Variants in ANK1 observed in about 807,000 individuals in gnomAD.
ANK1 encodes ankyrin-1.
Under a neutral mutation model 210.4 loss-of-function variants are expected in ANK1, and 51 were observed. The ratio of observed to expected loss-of-function variants is 0.24; its 90% CI spans 0.19 to 0.31. The LOEUF is 0.31. Ranked by LOEUF, ANK1 falls within the 10% of genes least tolerant of loss-of-function variation. The pLI is 1.00. For synonymous variants in ANK1, 967 were observed against 1,025.9 expected (o/e 0.94, Z 1.10); for missense variants, 2,051 against 2,504.4 (o/e 0.82, Z 3.86).
intron 23 of ANK1, among the ~76,000 whole-genome samples, chr8:41,698,801 A>AT (rs200577199): frequency 0.29 from 42,530 of 148,250 alleles, 6,183 homozygotes; most frequent in South Asian, 0.32. Context: ...TTCCTCAACA[A>AT]TTTTTTTTTT....
chr8:41,727,241 G>A lies in ANK1; in HGVS notation c.426+9C>T, dbSNP rs1325107051. 3 of 1,610,920 alleles carry A rather than the reference G, an allele frequency of 1.9e-6. No individual in the cohort carries two copies. In the Admixed American group the frequency reaches 5.0e-5, roughly 27 times the overall value. ...TCTGGTGGTGACGACATTTTTCCAA[G>A]GTACTTACTTCTGTGGCTACATTCT... is the stretch of plus-strand genomic sequence containing the variant. On this transcript the variant is annotated intron_variant, in intron 5 of 42. Transcript: ENST00000289734.
intron 1 of ANK1, among the ~76,000 whole-genome samples, chr8:41,769,970 C>CTTT (rs869176684): frequency 1.1e-5 from 1 of 94,766 alleles, no homozygotes; most frequent in African/African-American, 4.2e-5. Flanking sequence ...TTTTTTTTTT[C>CTTT]TTTTTTCTTT....
chr8:41,804,013 A>G (rs1850563429), intron 1 of ANK1, among the ~76,000 whole-genome samples: 1 of 152,254 alleles, frequency 6.6e-6, no homozygotes, highest in Non-Finnish European at 1.5e-5. Flanking sequence ...AGTAGCCCCC[A>G]ATTGTGCTGA....
intron 6 of ANK1, among the ~76,000 whole-genome samples, chr8:41,725,559 G>A (rs1173559840): frequency 2.0e-5 from 3 of 152,238 alleles, no homozygotes; most frequent in Non-Finnish European, 4.4e-5. Context: ...TGCTCACCAA[G>A]AGCACGTTTC....
chr8:41,657,089 G>A (rs187645324), intron 42 of ANK1, among the ~76,000 whole-genome samples: 2 of 152,154 alleles, frequency 1.3e-5, no homozygotes, highest in Admixed American at 6.5e-5. Flanking sequence ...TCTGCCTGCC[G>A]CCCTCAACAC....
intron 1 of ANK1, among the ~76,000 whole-genome samples, chr8:41,866,699 C>T (rs183176527): frequency 3.3e-5 from 5 of 152,368 alleles, no homozygotes; most frequent in Non-Finnish European, 4.4e-5. Flanking sequence ...CTCTAGGAAT[C>T]GTACAGAGTT....
chr8:41,750,415 G>C (rs1837420407), intron 2 of ANK1, among the ~76,000 whole-genome samples: 1 of 152,222 alleles, frequency 6.6e-6, no homozygotes, highest in Admixed American at 6.5e-5. Flanking sequence ...GCCAGCATCT[G>C]AGCCATGCTT....
intron 40 of ANK1, among the ~76,000 whole-genome samples, chr8:41,663,280 C>T (rs957536147): frequency 8.5e-5 from 13 of 152,100 alleles, no homozygotes; most frequent in African/African-American, 2.7e-4. Flanking sequence ...CCAGCACACC[C>T]GGCCCACATT....
chr8:41,788,198 C>T (rs545746221), intron 1 of ANK1, among the ~76,000 whole-genome samples: 4 of 152,312 alleles, frequency 2.6e-5, no homozygotes, highest in South Asian at 2.1e-4. Context: ...AAGACGATGT[C>T]GCCTCCTGTT....
rs563698444 is a variant in ANK1, at chr8:41,819,289, C to T, written c.127-61152G>A. The stretch of plus-strand genomic sequence containing the variant: ...TGAGAGACTGCTACACTGTGGTGCA[C>T]TGTCGAGACTGTAACACTAGGATTA... On this transcript the variant is annotated intron_variant, in intron 1 of 42. Coordinates refer to the ANK1 transcript ENST00000265709. Among the ~76,000 whole-genome samples, 340 of 152,340 alleles carry T rather than the reference C, an allele frequency of 2.2e-3. 3 individuals carry two copies. Among genetic ancestry groups the T allele is most frequent in the Non-Finnish European group, 1.8e-3 (125 of 68,036 alleles).
At chr8:41,770,405 T>A (rs1842772651) in intron 1 of ANK1, among the ~76,000 whole-genome samples, 1 of 152,242 alleles carries the variant, frequency 6.6e-6, no homozygotes, top group South Asian at 2.1e-4. Flanking sequence ...AAAGGTGAGA[T>A]AAACAGATCT....
At chr8:41,783,214 C>G (rs985461713) in intron 1 of ANK1, among the ~76,000 whole-genome samples, 1 of 152,218 alleles carries the variant, frequency 6.6e-6, no homozygotes, top group African/African-American at 2.4e-5. Flanking sequence ...TGAAGGAGAT[C>G]GTTTCGAAAG....
chr8:41,761,372 C>CAT (rs1840407341), intron 1 of ANK1, among the ~76,000 whole-genome samples: 2 of 7,740 alleles, frequency 2.6e-4, no homozygotes, highest in Non-Finnish European at 0.012. Flanking sequence ...GACCTGTGTG[C>CAT]ACACACACAC....
rs143600719 is a variant in ANK1, at chr8:41,708,886, G to C, written c.1890C>G (p.Ala630=). The C allele has an allele frequency of 6.2e-7, 1 of 1,614,074 alleles. No homozygotes were observed. The highest frequency in any genetic ancestry group is 1.3e-5 in the African/African-American group (1 of 75,016). The change falls in exon 17 of 43, where the codon GCC becomes GCG. Residue 630 remains alanine (A), a synonymous_variant. Transcript: ENST00000289734. ...SLLQYGGSAN[A]ESVQGVTPLH... ...GGGGCGTCACACCTTGCACCGACTC[G>C]GCGTTTGCTGAGCCCCCATACTGCA...
At chr8:41,860,305 T>G (rs1197587396) in intron 1 of ANK1, among the ~76,000 whole-genome samples, 2 of 152,342 alleles carry the variant, frequency 1.3e-5, no homozygotes, top group East Asian at 3.9e-4. Flanking sequence ...CAGTGAGGTT[T>G]CACCTTGGCT....
At chr8:41,814,259 C>A (rs186155952) in intron 1 of ANK1, among the ~76,000 whole-genome samples, 7 of 151,604 alleles carry the variant, frequency 4.6e-5, no homozygotes, top group East Asian at 3.9e-4. Context: ...ACTCAGGAGG[C>A]TGAGGCAGGA....
intron 1 of ANK1, among the ~76,000 whole-genome samples, chr8:41,818,760 A>C (rs554361741): frequency 9.8e-4 from 149 of 151,978 alleles, no homozygotes; most frequent in Middle Eastern, 3.4e-3. Flanking sequence ...CTAGTGAGAG[A>C]GGAGAATGGA....
At chr8:41,711,505 C>T (rs918808142) in intron 16 of ANK1, among the ~76,000 whole-genome samples, 4 of 152,316 alleles carry the variant, frequency 2.6e-5, no homozygotes, top group Non-Finnish European at 5.9e-5. Flanking sequence ...GACCCAAGGC[C>T]ACAGTAGGCA....
chr8:41,727,117 A>T, intron 5 of ANK1, 133 bp downstream of exon 5: 1 of 741,404 alleles, frequency 1.3e-6, no homozygotes, highest in Non-Finnish European at 2.4e-6. Context: ...ACTCTGGATT[A>T]GTGCAGCGAC....
Sources: gnomAD v4.1 joint callset for allele counts (sites outside exome capture counted in the v4.1 genomes callset) on GRCh38, gnomAD v4.1.1 for gene constraint, MANE v1.5 for transcripts, NCBI Gene and HGNC (gene_info 2026-07-23, HGNC 2026-07-21) for gene names.